The following CDKL2 variants were observed in gnomAD, a reference collection of about 807,000 sequenced individuals.
The protein encoded by CDKL2 is cyclin dependent kinase like 2.
CDKL2 carries 64 observed loss-of-function variants against 63.9 expected under a neutral mutation model. The ratio of observed to expected loss-of-function variants is 1.00; its 90% CI spans 0.82 to 1.23. The LOEUF is 1.23. Ranked by LOEUF, CDKL2 falls within the 50% of genes most tolerant of loss-of-function variation. The probability of loss-of-function intolerance (pLI) is 0.00; values close to 1 mark genes in which losing one functional copy is unlikely to be tolerated. For synonymous variants in CDKL2, 211 were observed against 229.2 expected (o/e 0.92, Z 0.72); for missense variants, 656 against 668.0 (o/e 0.98, Z 0.20).
chr4:75,603,764 C>T (rs2148886475), intron 6 of CDKL2, 53 bp downstream of exon 6: 8 of 769,454 alleles, frequency 1.0e-5, no homozygotes, highest in South Asian at 7.8e-5. Context: ...AAAAAAAGGT[C>T]TTGATAGTGC....
rs1728140096 is a variant in CDKL2 at position 75,578,933 on chromosome 4, T to G, written c.*269A>C. The G allele has an allele frequency of 1.3e-5, 2 of 152,670 alleles. No homozygotes were observed. Among genetic ancestry groups the G allele is most frequent in the South Asian group, 2.1e-4 (1 of 4,830 alleles). 9.5% of individuals were successfully genotyped at this position (152,670 alleles called of 1,614,324 possible). A position where few individuals can be genotyped will look rare whatever the true frequency, so the allele number is the denominator to read the frequency against. On this transcript the variant is annotated 3_prime_UTR_variant, in exon 14 of 14. Transcript: ENST00000307465. ...TGTAACAAGAACCATATCACTGTTA[T>G]TCCACTGGATATGTCTTGAAATAGC...
In CDKL2 at chr4:75,630,080, T is replaced by C. The variant is rs1379329606; in HGVS notation, c.-68A>G. 6.6e-6 allele frequency: 1 copy of C among 152,484 alleles called. No homozygotes were observed. The highest frequency in any genetic ancestry group is 1.5e-5 in the Non-Finnish European group (1 of 68,024). 9.4% of individuals were successfully genotyped at this position (152,484 alleles called of 1,614,324 possible). A position where few individuals can be genotyped will look rare whatever the true frequency, so the allele number is the denominator to read the frequency against. ...CGTTCGCATAGAAAGACCCAAAGGT[T>C]TTCAACTTGGAAACAAATTTGAGGT... On this transcript the variant is annotated 5_prime_UTR_variant, in exon 1 of 14. Transcript: ENST00000307465.
In CDKL2 at chr4:75,579,774, T is replaced by A. The variant is rs116886417; in HGVS notation, c.*24-596A>T. The stretch of plus-strand genomic sequence containing the variant: ...CATCCAAGTTTTGCAGACCCTGTAG[T>A]TTACACGGTTTGTATGAATTAGTTG... On this transcript the variant is annotated intron_variant, in intron 13 of 13. Transcript: ENST00000307465. 4.7e-3 allele frequency among the ~76,000 whole-genome samples: 721 copies of A among 152,312 alleles called. 13 individuals are homozygous for A. In the East Asian group the frequency reaches 0.051, roughly 11 times the overall value.
chr4:75,579,679 A>AGTAAGTAAGT (rs1728177325), intron 13 of CDKL2, among the ~76,000 whole-genome samples: 1 of 152,166 alleles, frequency 6.6e-6, no homozygotes. Flanking sequence ...TCCGTCTCAA[A>AGTAAGTAAGT]AAAAAGAAAA....
At chr4:75,618,720 A>ATGAGCTT (rs1411808188) in intron 2 of CDKL2, among the ~76,000 whole-genome samples, 11 of 152,200 alleles carry the variant, frequency 7.2e-5, no homozygotes, top group Admixed American at 7.2e-4. Flanking sequence ...AAGTGTGGAA[A>ATGAGCTT]TGAGCTTTGA....
chr4:75,584,708 TAA>T (rs1728397149), intron 12 of CDKL2, among the ~76,000 whole-genome samples: 1 of 152,006 alleles, frequency 6.6e-6, no homozygotes, highest in African/African-American at 2.4e-5. Flanking sequence ...TACTAAGCAA[TAA>T]AAGGGTAGGT....
intron 10 of CDKL2, chr4:75,596,021 GAA>G (rs1728912860): frequency 5.4e-5 from 3 of 55,646 alleles, no homozygotes; most frequent in African/African-American, 3.1e-4. Flanking sequence ...AGGAAGGAAG[GAA>G]GGAAGGAAGA....
At chr4:75,628,194 C>T (rs554463853) in intron 1 of CDKL2, among the ~76,000 whole-genome samples, 35 of 151,184 alleles carry the variant, frequency 2.3e-4, no homozygotes, top group African/African-American at 8.0e-4. Context: ...TGGCTCACTG[C>T]AAACTCCGCC....
chr4:75,603,873 CTCT>C lies in CDKL2; in HGVS notation c.736_738del (p.Arg246del). 1 of 1,613,392 alleles carries C rather than the reference CTCT, an allele frequency of 6.2e-7. No individual in the cohort carries two copies. On this transcript the variant is annotated inframe_deletion, in exon 6 of 14. Transcript: ENST00000307465. ...TTAGGATAGCGTCTTTCAAGAGGTT[CTCT>C]TTCCTTGATTTCAGGCAACCTTACT...
intron 3 of CDKL2, among the ~76,000 whole-genome samples, chr4:75,612,802 C>CA (rs1490904619): frequency 6.6e-6 from 1 of 152,186 alleles, no homozygotes; most frequent in Non-Finnish European, 1.5e-5. Context: ...CCCTAAGAGA[C>CA]AGATAGTCTC....
Position 75,614,313 on chromosome 4 carries a change from A to T in CDKL2, c.305T>A (p.Val102Glu), listed in dbSNP as rs774971703. Reference sequence around the variant, plus strand: ...AATCTGAAACAAATACTTTTGAACTACTTGGTAGTCTAGTCCATTTGGAAA... The same window carrying T: ...AATCTGAAACAAATACTTTTGAACTTCTTGGTAGTCTAGTCCATTTGGAAA... The part of the protein sequence containing the change: ...ELFPNGLDYQ[V>E]VQKYLFQIIN... The change falls in exon 3 of 14, where the codon GTA (valine) becomes GAA (glutamate). Residue 102 changes from valine (V) to glutamate (E), a missense_variant. Coordinates refer to ENST00000307465, the MANE Select transcript of CDKL2 (RefSeq NM_001330724.2). 5 of 1,610,734 alleles carry T rather than the reference A, an allele frequency of 3.1e-6. No homozygotes were observed. In the African/African-American group the frequency reaches 6.7e-5, roughly 22 times the overall value.
At chr4:75,625,795 T>C (rs1730372876) in intron 2 of CDKL2, 26 bp downstream of exon 2, 1 of 1,550,010 alleles carries the variant, frequency 6.5e-7, no homozygotes, top group African/African-American at 1.4e-5. Flanking sequence ...CTCATATTTT[T>C]TGATTCAATA....
chr4:75,590,967 T>C (rs561505507), intron 12 of CDKL2, among the ~76,000 whole-genome samples: 1 of 152,312 alleles, frequency 6.6e-6, no homozygotes, highest in African/African-American at 2.4e-5. Flanking sequence ...TGCCAGTTTT[T>C]TCAGTGTAAA....
intron 4 of CDKL2, among the ~76,000 whole-genome samples, chr4:75,606,254 G>A (rs913766968): frequency 5.4e-5 from 8 of 148,324 alleles, no homozygotes; most frequent in Non-Finnish European, 8.9e-5. Flanking sequence ...TCACTCTGTC[G>A]CCCAGGCTGG....
rs575336603 is a variant in CDKL2 at position 75,609,649 on chromosome 4, ATATAT to A, written c.364-2293_364-2289del. Among the ~76,000 whole-genome samples the A allele has an allele frequency of 3.3e-4, 49 of 147,696 alleles. 2 individuals are homozygous for A. The East Asian group carries it at 8.6e-3, about 26-fold the overall frequency. On this transcript the variant is annotated intron_variant, in intron 3 of 13. Coordinates refer to ENST00000307465, the MANE Select transcript of CDKL2 (RefSeq NM_001330724.2). ...ATTATATAGATATATATCATATATG[ATATAT>A]TATATATATAATATATATATATTTA...
At chr4:75,583,391 C>A (rs1022123979) in intron 12 of CDKL2, among the ~76,000 whole-genome samples, 2 of 152,194 alleles carry the variant, frequency 1.3e-5, no homozygotes, top group Admixed American at 6.5e-5. Context: ...AAGTGACAAA[C>A]TTCTAGGTAA....
chr4:75,593,955 T>C (rs1475973257), intron 10 of CDKL2, among the ~76,000 whole-genome samples: 1 of 152,058 alleles, frequency 6.6e-6, no homozygotes, highest in Non-Finnish European at 1.5e-5. Context: ...ATTCATTCAG[T>C]ATGGAGTCTT....
intron 13 of CDKL2, among the ~76,000 whole-genome samples, chr4:75,581,110 A>G (rs374676832): frequency 3.1e-4 from 47 of 152,236 alleles, no homozygotes; most frequent in Admixed American, 1.7e-3. Context: ...CATGCACTGT[A>G]TAACAATGTT....
intron 3 of CDKL2, among the ~76,000 whole-genome samples, chr4:75,609,555 G>A (rs916924338): frequency 5.3e-5 from 8 of 150,682 alleles, no homozygotes; most frequent in African/African-American, 1.7e-4. Context: ...GCAGTGAGCC[G>A]AGATTGCGCC....
Sources: gnomAD v4.1 joint callset for allele counts (sites outside exome capture counted in the v4.1 genomes callset) on GRCh38, gnomAD v4.1.1 for gene constraint, MANE v1.5 for transcripts, NCBI Gene and HGNC (gene_info 2026-07-23, HGNC 2026-07-21) for gene names.